The following ELAVL3 variants were observed in gnomAD, a reference collection of about 807,000 sequenced individuals.
ELAVL3 encodes the protein ELAV-like protein 3.
A neutral mutation model predicts 34.2 loss-of-function variants in ELAVL3; 8 were observed. That is an observed-to-expected ratio of 0.23 (90% CI 0.14 to 0.42). ELAVL3 has a LOEUF of 0.42. Ranked by LOEUF, ELAVL3 falls within the 10% of genes least tolerant of loss-of-function variation. The pLI, the probability that ELAVL3 is intolerant of heterozygous loss-of-function variation, is 1.00. For missense variants in ELAVL3, 273 were observed against 518.8 expected, an observed-to-expected ratio of 0.53 and a Z score of 4.60; for synonymous variants, 209 against 222.1, an observed-to-expected ratio of 0.94 and a Z score of 0.53.
At chr19:11,464,398 A>G (rs190829404) in intron 3 of ELAVL3, among the ~76,000 whole-genome samples, 4 of 151,744 alleles carry the variant, frequency 2.6e-5, no homozygotes, top group Admixed American at 2.6e-4. Context: ...CTCGGGCTCA[A>G]GTGATCCTCC....
chr19:11,479,343 G>C (rs1474377476), intron 1 of ELAVL3, among the ~76,000 whole-genome samples: 1 of 152,108 alleles, frequency 6.6e-6, no homozygotes, highest in African/African-American at 2.4e-5. Flanking sequence ...AGAGGCTTAG[G>C]CATGGAGGGA....
rs1213174983 is a variant in ELAVL3 at position 11,452,224 on chromosome 19, ATTAC to A, written c.*2298_*2301del. On this transcript the variant is annotated 3_prime_UTR_variant, in exon 7 of 7. Coordinates refer to ENST00000359227, the MANE Select transcript of ELAVL3 (RefSeq NM_001420.4). ...ACCATTACTGTTATTAATAATTATT[ATTAC>A]TTTAATGATTCCACTTCCCCTTTTA... 3 of 152,338 alleles carry A rather than the reference ATTAC, an allele frequency of 2.0e-5. No homozygotes were observed. Among genetic ancestry groups the A allele is most frequent in the Admixed American group, 6.5e-5 (1 of 15,302 alleles). 9.4% of individuals were successfully genotyped at this position (152,338 alleles called of 1,614,324 possible).
Position 11,458,058 on chromosome 19 carries a change from C to T in ELAVL3, c.713+3G>A, listed in dbSNP as rs1187137261. On this transcript the variant is annotated splice_donor_region_variant and intron_variant, in intron 5 of 6. Transcript: ENST00000359227. This position sits in a 1 kb window ranked among gnomAD's most constrained non-coding sequence, Gnocchi z 7.3. ...GGGGCCATCTGGCTGGCAGGGGGCT[C>T]ACCGGAAACGCTGGGTCTGATGGTG... The T allele has an allele frequency of 1.9e-6, 3 of 1,610,884 alleles. No individual in the cohort carries two copies. The highest frequency in any genetic ancestry group is 2.5e-6 in the Non-Finnish European group (3 of 1,179,948).
At chr19:11,472,365 T>C (rs928186426) in intron 1 of ELAVL3, among the ~76,000 whole-genome samples, 3 of 150,046 alleles carry the variant, frequency 2.0e-5, no homozygotes, top group Non-Finnish European at 4.4e-5. Context: ...CACATACTGA[T>C]TGGTAGTGTC....
chr19:11,478,285 A>G (rs1971300388), intron 1 of ELAVL3, among the ~76,000 whole-genome samples: 1 of 152,146 alleles, frequency 6.6e-6, no homozygotes, highest in African/African-American at 2.4e-5. Flanking sequence ...CTTGAGGCCT[A>G]GCCTGCTAAT....
chr19:11,466,828 C>A lies in ELAVL3; in HGVS notation c.10-1G>T. 1 of 1,598,060 alleles carries A rather than the reference C, an allele frequency of 6.3e-7. No individual in the cohort carries two copies. Among genetic ancestry groups the A allele is most frequent in the Admixed American group, 1.8e-5 (1 of 56,624 alleles). ...GAGACTCCATGGCCCCCAGTATCTG[C>A]TGGAGATAACAGGTCGCATCCGCTC... On this transcript the variant is annotated splice_acceptor_variant, in intron 1 of 6. Coordinates refer to ENST00000359227, the MANE Select transcript of ELAVL3 (RefSeq NM_001420.4). LOFTEE classifies it high-confidence loss of function. The surrounding 1 kb of genome is among the most constrained non-coding windows in gnomAD (Gnocchi z 5.0).
intron 1 of ELAVL3, among the ~76,000 whole-genome samples, chr19:11,477,045 C>T (rs1016302539): frequency 3.9e-5 from 6 of 152,172 alleles, no homozygotes; most frequent in African/African-American, 7.2e-5. Context: ...TGCTCTCTGC[C>T]GTGCCCTGGG....
intron 3 of ELAVL3, among the ~76,000 whole-genome samples, chr19:11,461,553 C>T (rs1293007205): frequency 6.3e-5 from 9 of 142,576 alleles, no homozygotes; most frequent in Non-Finnish European, 1.1e-4. Flanking sequence ...CTCCCTCCTT[C>T]CCTTCCTTCC....
chr19:11,471,625 T>A (rs531062191), intron 1 of ELAVL3, among the ~76,000 whole-genome samples: 120 of 144,938 alleles, frequency 8.3e-4, no homozygotes, highest in African/African-American at 2.9e-3. Flanking sequence ...AAAAAAAAAA[T>A]TTTTTTTTTG....
Position 11,454,935 on chromosome 19 carries a change from G to C in ELAVL3, c.753-58C>G. ...CCCCCCGCATGCTTCTGACCCCGTT[G>C]TGACCCTTCACACCTTTATGACCCC... On this transcript the variant is annotated intron_variant, in intron 6 of 6. Coordinates refer to ENST00000359227, the MANE Select transcript of ELAVL3 (RefSeq NM_001420.4). The surrounding 1 kb of genome is among the most constrained non-coding windows in gnomAD (Gnocchi z 9.2). The C allele has an allele frequency of 6.6e-7, 1 of 1,526,694 alleles. No individual in the cohort carries two copies. Among genetic ancestry groups the C allele is most frequent in the Non-Finnish European group, 8.8e-7 (1 of 1,136,348 alleles). The allele number at this position is 1,526,694 out of a possible 1,614,324, so 94.6% of individuals were successfully genotyped here. A position where few individuals can be genotyped will look rare whatever the true frequency, so the allele number is the denominator to read the frequency against.
chr19:11,475,738 G>A (rs779542569), intron 1 of ELAVL3, among the ~76,000 whole-genome samples: 9 of 151,126 alleles, frequency 6.0e-5, no homozygotes, highest in Non-Finnish European at 1.0e-4. Flanking sequence ...CTCAGCCTCC[G>A]AAGTAGCTGG....
chr19:11,463,852 C>T (rs1224453422), intron 3 of ELAVL3, among the ~76,000 whole-genome samples: 6 of 151,728 alleles, frequency 4.0e-5, no homozygotes, highest in African/African-American at 1.5e-4. Flanking sequence ...GCCTGTAATC[C>T]CAGCTACTCG....
intron 5 of ELAVL3, 149 bp downstream of exon 5, chr19:11,457,912 G>C (rs1466638206): frequency 1.3e-6 from 1 of 762,734 alleles, no homozygotes; most frequent in Non-Finnish European, 2.1e-6. Context: ...TATATGAGTG[G>C]CTGGCCTTGG....
chr19:11,464,262 G>A lies in ELAVL3; in HGVS notation c.333+1910C>T, dbSNP rs1476898152. Reference sequence around the variant, plus strand: ...CTGTAGCCTCGCCGCCTCAGCTTAAGTGATCCTCCCCACTCAGCCTCCCAA... The same window carrying A: ...CTGTAGCCTCGCCGCCTCAGCTTAAATGATCCTCCCCACTCAGCCTCCCAA... On this transcript the variant is annotated intron_variant, in intron 3 of 6. Coordinates refer to ENST00000359227, the MANE Select transcript of ELAVL3 (RefSeq NM_001420.4). Among the ~76,000 whole-genome samples the A allele has an allele frequency of 2.0e-5, 3 of 149,042 alleles. No homozygotes were observed. The East Asian group carries it at 6.0e-4, about 30-fold the overall frequency.
chr19:11,480,592 A>G lies in ELAVL3; in HGVS notation c.9+8T>C. Reference sequence around the variant, plus strand: ...CCGATTCCCTTTCGGCGACAGGGGAATACCTACAGTGACCATTCTTGTGTG... The same window carrying G: ...CCGATTCCCTTTCGGCGACAGGGGAGTACCTACAGTGACCATTCTTGTGTG... On this transcript the variant is annotated splice_region_variant and intron_variant, in intron 1 of 6. Coordinates refer to ENST00000359227, the MANE Select transcript of ELAVL3 (RefSeq NM_001420.4). The surrounding 1 kb of genome is among the most constrained non-coding windows in gnomAD (Gnocchi z 6.8). The G allele has an allele frequency of 6.7e-7, 1 of 1,496,670 alleles. No individual in the cohort carries two copies. The highest frequency in any genetic ancestry group is 1.3e-5 in the South Asian group (1 of 75,126). The allele number at this position is 1,496,670 out of a possible 1,614,324, so 92.7% of individuals were successfully genotyped here.
chr19:11,460,561 C>A lies in ELAVL3; in HGVS notation c.334-1950G>T, dbSNP rs182741146. Among the ~76,000 whole-genome samples the A allele has an allele frequency of 3.4e-4, 52 of 152,156 alleles. 1 individual carries two copies. Among genetic ancestry groups the A allele is most frequent in the Admixed American group, 3.3e-3 (50 of 15,260 alleles). ...TACTTCCTGCCCCAATTACTGTGTT[C>A]CAGCAACTTGAACTTCCCCCATTTT... is the stretch of plus-strand genomic sequence containing the variant. On this transcript the variant is annotated intron_variant, in intron 3 of 6. Coordinates refer to ENST00000359227, the MANE Select transcript of ELAVL3 (RefSeq NM_001420.4).
At position 11,480,064 on chromosome 19, in the gene ELAVL3, G is replaced by T. The variant is rs1024855415; in HGVS notation, c.9+536C>A. Among the ~76,000 whole-genome samples the T allele has an allele frequency of 4.6e-5, 7 of 151,850 alleles. No individual in the cohort carries two copies. Among genetic ancestry groups the T allele is most frequent in the African/African-American group, 1.2e-4 (5 of 41,472 alleles). On this transcript the variant is annotated intron_variant, in intron 1 of 6. Coordinates refer to ENST00000359227, the MANE Select transcript of ELAVL3 (RefSeq NM_001420.4). This position sits in a 1 kb window ranked among gnomAD's most constrained non-coding sequence, Gnocchi z 6.8. ...CGGCGGGCCCGCGGGGCCTCCGGGC[G>T]CGCCCCCTCCTCTCCCCTCCCCGCT...
rs1350068836 is a variant in ELAVL3 at position 11,466,534 on chromosome 19, C to T, written c.229+74G>A. The T allele has an allele frequency of 6.5e-7, 1 of 1,536,454 alleles. No individual in the cohort carries two copies. ...ACCCCCGAGACACCTCAGCAAGGGT[C>T]CCACCTGCCCCCATCACCTCTGTAT... On this transcript the variant is annotated intron_variant, in intron 2 of 6. Transcript: ENST00000359227. This position sits in a 1 kb window ranked among gnomAD's most constrained non-coding sequence, Gnocchi z 5.0.
chr19:11,454,101 C>T lies in ELAVL3; in HGVS notation c.*425G>A, dbSNP rs2144872958. 1 of 162,628 alleles carries T rather than the reference C, an allele frequency of 6.1e-6. No individual in the cohort carries two copies. The highest frequency in any genetic ancestry group is 1.9e-4 in the South Asian group (1 of 5,400). 10.1% of individuals were successfully genotyped at this position (162,628 alleles called of 1,614,324 possible). A position where few individuals can be genotyped will look rare whatever the true frequency, so the allele number is the denominator to read the frequency against. On this transcript the variant is annotated 3_prime_UTR_variant, in exon 7 of 7. Coordinates refer to ENST00000359227, the MANE Select transcript of ELAVL3 (RefSeq NM_001420.4). This position sits in a 1 kb window ranked among gnomAD's most constrained non-coding sequence, Gnocchi z 9.2. ...TTAAACCTGTTCCTCCTACCCCAGGCCCCACCTAGGTGCTGGGGAGGCCTG... is the reference window on the plus strand; with the variant it reads ...TTAAACCTGTTCCTCCTACCCCAGGTCCCACCTAGGTGCTGGGGAGGCCTG...
Sources: gnomAD v4.1 joint callset for allele counts (sites outside exome capture counted in the v4.1 genomes callset) on GRCh38, gnomAD v4.1.1 for gene constraint, Gnocchi (gnomAD v3.1) non-coding constraint, MANE v1.5 for transcripts, NCBI Gene and HGNC (gene_info 2026-07-23, HGNC 2026-07-21) for gene names.